NOVA1: variants seen among roughly 807,000 people sequenced by gnomAD.
The protein encoded by NOVA1 is RNA-binding protein Nova-1.
NOVA1 carries 7 observed loss-of-function variants against 38.0 expected under a neutral mutation model. The observed-to-expected ratio is 0.18, with a 90% confidence interval of 0.10 to 0.35. The LOEUF (loss-of-function observed/expected upper bound fraction) is 0.35, where lower values mean the gene tolerates loss of function less well. Among genes scored for constraint, NOVA1 ranks in the 10% least tolerant of loss-of-function variants. NOVA1 has a pLI of 1.00. For missense variants in NOVA1, 460 were observed against 616.0 expected (o/e 0.75, Z 2.68); for synonymous variants, 270 against 232.5 (o/e 1.16, Z -1.47).
At chr14:26,532,897 T>C (rs945504021) in intron 2 of NOVA1, among the ~76,000 whole-genome samples, 1 of 152,204 alleles carries the variant, frequency 6.6e-6, no homozygotes, top group African/African-American at 2.4e-5. Flanking sequence ...ATAAATAAAA[T>C]GTGATTTTTA....
At chr14:26,589,626 C>G (rs189762076) in intron 2 of NOVA1, among the ~76,000 whole-genome samples, 377 of 151,798 alleles carry the variant, frequency 2.5e-3, no homozygotes, top group African/African-American at 8.6e-3. Flanking sequence ...AAATGTTAAT[C>G]TGAGATAATA....
intron 4 of NOVA1, among the ~76,000 whole-genome samples, chr14:26,450,295 C>T (rs1030462744): frequency 2.6e-5 from 4 of 151,886 alleles, no homozygotes; most frequent in African/African-American, 9.7e-5. Context: ...GCATTTCAGG[C>T]AATTTTGTTC....
chr14:26,485,473 A>G (rs1885812563), intron 2 of NOVA1, among the ~76,000 whole-genome samples: 1 of 152,180 alleles, frequency 6.6e-6, no homozygotes, highest in Admixed American at 6.5e-5. Context: ...ATAATTTAAC[A>G]ATTTTTTTCT....
chr14:26,490,880 C>T (rs1299010528), intron 2 of NOVA1, among the ~76,000 whole-genome samples: 5 of 133,842 alleles, frequency 3.7e-5, no homozygotes, highest in African/African-American at 1.1e-4. Context: ...GACGGAGTCT[C>T]GCTCTGTCGC....
At chr14:26,537,470 C>T (rs1890182700) in intron 2 of NOVA1, among the ~76,000 whole-genome samples, 1 of 151,872 alleles carries the variant, frequency 6.6e-6, no homozygotes, top group African/African-American at 2.4e-5. Context: ...ATTTCAAAAG[C>T]TTCATTGTTT....
At chr14:26,455,796 T>C (rs1883124742) in intron 4 of NOVA1, among the ~76,000 whole-genome samples, 1 of 151,922 alleles carries the variant, frequency 6.6e-6, no homozygotes, top group Non-Finnish European at 1.5e-5. Context: ...CTAGACATAA[T>C]TACTTCACAA....
At chr14:26,452,186 ACTGT>A (rs1882741261) in intron 4 of NOVA1, among the ~76,000 whole-genome samples, 1 of 152,202 alleles carries the variant, frequency 6.6e-6, no homozygotes, top group Non-Finnish European at 1.5e-5. Context: ...TTTGCCTTAC[ACTGT>A]CTTTTTTCTC....
chr14:26,452,741 A>G (rs1882812184), intron 4 of NOVA1, among the ~76,000 whole-genome samples: 1 of 152,226 alleles, frequency 6.6e-6, no homozygotes, highest in African/African-American at 2.4e-5. Flanking sequence ...TATGTTCTTG[A>G]CAGTTACAAA....
intron 2 of NOVA1, among the ~76,000 whole-genome samples, chr14:26,499,439 A>G (rs1887086015): frequency 2.0e-5 from 3 of 152,146 alleles, no homozygotes; most frequent in African/African-American, 7.2e-5. Flanking sequence ...TGTGTCTAAT[A>G]CTTAATAATG....
In NOVA1 at chr14:26,446,989, T is replaced by C. The variant is rs1440925048; in HGVS notation, c.*970A>G. ...GTAAAATCTACATTCACAATACTAA[T>C]AGGTTTCTAGTGTTAACAAATTATA... On this transcript the variant is annotated 3_prime_UTR_variant, in exon 5 of 5. Transcript: ENST00000539517. 6.6e-6 allele frequency: 1 copy of C among 152,644 alleles called. No individual in the cohort carries two copies. The highest frequency in any genetic ancestry group is 1.5e-5 in the Non-Finnish European group (1 of 68,036). The allele number at this position is 152,644 out of a possible 1,614,324, so 9.5% of individuals were successfully genotyped here.
rs772403375 is a variant in NOVA1, at chr14:26,597,392, C to T, written c.45G>A (p.Gly15=). 1 of 1,280,082 alleles carries T rather than the reference C, an allele frequency of 7.8e-7. No homozygotes were observed. 79.3% of individuals were successfully genotyped at this position (1,280,082 alleles called of 1,614,324 possible). Residue 15 remains glycine (G), a synonymous_variant, in exon 1 of 5, where the codon GGG becomes GGA. Coordinates refer to ENST00000539517, the MANE Select transcript of NOVA1 (RefSeq NM_002515.3). ...CCGGCGGGTCCAGGTCTATGGGAAC[C>T]CCAGTGTGGGTCCCGTTCTGCTGGA... ...APIQQNGTHT[G]VPIDLDPPDS...
chr14:26,486,796 G>T (rs1016651188), intron 2 of NOVA1, among the ~76,000 whole-genome samples: 1 of 143,132 alleles, frequency 7.0e-6, no homozygotes. Flanking sequence ...TGGCCTTTAT[G>T]AAATCATTTT....
chr14:26,575,655 C>T (rs983537917), intron 2 of NOVA1, among the ~76,000 whole-genome samples: 11 of 151,976 alleles, frequency 7.2e-5, no homozygotes, highest in Non-Finnish European at 1.5e-4. Flanking sequence ...CATATATCAA[C>T]AAGCCTACAG....
chr14:26,451,938 A>G (rs76712157), intron 4 of NOVA1, among the ~76,000 whole-genome samples: 3,899 of 152,260 alleles, frequency 0.026, 70 homozygotes, highest in Non-Finnish European at 0.043. Context: ...AGATTAAAAA[A>G]CTAAAGATGT....
chr14:26,568,086 T>C (rs1157568817), intron 2 of NOVA1, among the ~76,000 whole-genome samples: 1 of 152,190 alleles, frequency 6.6e-6, no homozygotes, highest in African/African-American at 2.4e-5. Flanking sequence ...GGTAGGCCAA[T>C]ATATTAAGAT....
intron 2 of NOVA1, among the ~76,000 whole-genome samples, chr14:26,484,380 G>C (rs1302994223): frequency 8.1e-6 from 1 of 123,522 alleles, no homozygotes; most frequent in Non-Finnish European, 1.6e-5. Context: ...AGCTTGCAGT[G>C]AGCCAAGATC....
intron 2 of NOVA1, among the ~76,000 whole-genome samples, chr14:26,560,212 T>G (rs918467147): frequency 1.3e-5 from 2 of 152,110 alleles, no homozygotes; most frequent in African/African-American, 4.8e-5. Flanking sequence ...TATTTAATAA[T>G]ACATGTCTTT....
At chr14:26,464,302 A>G (rs1324544898) in intron 4 of NOVA1, among the ~76,000 whole-genome samples, 3 of 152,152 alleles carry the variant, frequency 2.0e-5, no homozygotes, top group Admixed American at 6.5e-5. Context: ...TTCTGTTTAG[A>G]TATCTTTAGA....
At chr14:26,499,068 A>C (rs1283370169) in intron 2 of NOVA1, among the ~76,000 whole-genome samples, 1 of 152,228 alleles carries the variant, frequency 6.6e-6, no homozygotes, top group Non-Finnish European at 1.5e-5. Context: ...AAATGATACA[A>C]AGTAGCAAAT....
Sources: allele counts gnomAD v4.1 joint callset (sites outside exome capture counted in the v4.1 genomes callset), GRCh38; gene constraint gnomAD v4.1.1; transcripts MANE v1.5; gene names NCBI Gene and HGNC (gene_info 2026-07-23, HGNC 2026-07-21).